Variants in MYH10 observed in about 807,000 individuals in gnomAD.
The protein encoded by MYH10 is myosin heavy chain 10, also known as myosin-10.
A neutral mutation model predicts 257.8 loss-of-function variants in MYH10; 55 were observed. The observed-to-expected ratio is 0.21, with a 90% CI of 0.17 to 0.27. The LOEUF is 0.27. Ranked by LOEUF, MYH10 falls within the 10% of genes least tolerant of loss-of-function variation. MYH10 has a pLI of 1.00. For synonymous variants in MYH10, 854 were observed against 921.7 expected, an observed-to-expected ratio of 0.93 and a Z score of 1.33; for missense variants, 1,631 against 2,500.6, an observed-to-expected ratio of 0.65 and a Z score of 7.42.
At position 8,506,522 on chromosome 17, in the gene MYH10, C is replaced by T. The variant is rs781589217; in HGVS notation, c.3215-33G>A. The stretch of plus-strand genomic sequence containing the variant: ...GTAAGACATAAGAAGCTCTTCAACA[C>T]ACCGAGTGACTCACCACAGGAATAA... On this transcript the variant is annotated intron_variant, in intron 26 of 42. Coordinates refer to ENST00000360416, the MANE Select transcript of MYH10 (RefSeq NM_001256012.3). This position sits in a 1 kb window ranked among gnomAD's most constrained non-coding sequence, Gnocchi z 5.0. 2.5e-6 allele frequency: 4 copies of T among 1,589,352 alleles called. No individual in the cohort carries two copies. The highest frequency in any genetic ancestry group is 3.4e-6 in the Non-Finnish European group (4 of 1,171,472).
chr17:8,570,917 A>C (rs930862183), intron 6 of MYH10, among the ~76,000 whole-genome samples: 1 of 152,178 alleles, frequency 6.6e-6, no homozygotes, highest in Non-Finnish European at 1.5e-5. Flanking sequence ...CACATTACAC[A>C]GGAAGGGGAC....
chr17:8,597,882 T>G (rs1231674574), intron 3 of MYH10, among the ~76,000 whole-genome samples: 2 of 152,114 alleles, frequency 1.3e-5, no homozygotes, highest in African/African-American at 4.8e-5. Flanking sequence ...CCTCCCAAAG[T>G]GCTGAGATTA....
chr17:8,535,338 T>C lies in MYH10; in HGVS notation c.1894+49A>G. The C allele has an allele frequency of 7.1e-7, 1 of 1,400,480 alleles. No homozygotes were observed. Among genetic ancestry groups the C allele is most frequent in the Non-Finnish European group, 1.0e-6 (1 of 996,736 alleles). 86.8% of individuals were successfully genotyped at this position (1,400,480 alleles called of 1,614,324 possible). ...AAAAGAACCATCTATAAACCTTAATTATAAAAGATTCCAGCCAAGCATGAT... is the reference window on the plus strand; with the variant it reads ...AAAAGAACCATCTATAAACCTTAATCATAAAAGATTCCAGCCAAGCATGAT... On this transcript the variant is annotated intron_variant, in intron 16 of 42. Transcript: ENST00000360416. The surrounding 1 kb of genome is among the most constrained non-coding windows in gnomAD (Gnocchi z 4.3).
intron 9 of MYH10, among the ~76,000 whole-genome samples, chr17:8,550,602 G>C (rs1349217364): frequency 1.3e-5 from 2 of 152,080 alleles, no homozygotes; most frequent in Non-Finnish European, 2.9e-5. Flanking sequence ...GGGAAGTGAG[G>C]AGCCCCTCTG....
At position 8,506,531 on chromosome 17, in the gene MYH10, A is replaced by C; in HGVS notation, c.3215-42T>G. The C allele has an allele frequency of 6.3e-7, 1 of 1,580,768 alleles. No homozygotes were observed. Among genetic ancestry groups the C allele is most frequent in the Non-Finnish European group, 8.6e-7 (1 of 1,167,206 alleles). On this transcript the variant is annotated intron_variant, in intron 26 of 42. Coordinates refer to ENST00000360416, the MANE Select transcript of MYH10 (RefSeq NM_001256012.3). This position sits in a 1 kb window ranked among gnomAD's most constrained non-coding sequence, Gnocchi z 5.0. ...AAGAAGCTCTTCAACACACCGAGTG[A>C]CTCACCACAGGAATAAACTAAAATA...
chr17:8,537,954 G>A (rs2082188080), intron 14 of MYH10, among the ~76,000 whole-genome samples: 2 of 152,200 alleles, frequency 1.3e-5, no homozygotes, highest in African/African-American at 4.8e-5. Context: ...AGGCTTGCCT[G>A]CCACCAGCCC....
intron 30 of MYH10, 137 bp from the exon 31 acceptor site, chr17:8,495,378 C>G (rs2151828200): frequency 3.2e-6 from 2 of 623,454 alleles, no homozygotes; most frequent in East Asian, 5.5e-5. Context: ...TTAAGGAAGA[C>G]TCACCACCAA....
intron 3 of MYH10, among the ~76,000 whole-genome samples, chr17:8,591,244 T>G (rs115512852): frequency 6.6e-6 from 1 of 152,246 alleles, no homozygotes; most frequent in South Asian, 2.1e-4. Flanking sequence ...CTAGAATGCA[T>G]TGCTTGAGAT....
intron 28 of MYH10, among the ~76,000 whole-genome samples, chr17:8,502,465 C>A (rs2080924783): frequency 8.6e-6 from 1 of 116,050 alleles, no homozygotes; most frequent in African/African-American, 3.0e-5. Flanking sequence ...AGCACGTTGT[C>A]TTTTGGGAAA....
chr17:8,599,976 G>A (rs1296472562), intron 3 of MYH10, among the ~76,000 whole-genome samples: 1 of 152,162 alleles, frequency 6.6e-6, no homozygotes, highest in African/African-American at 2.4e-5. Flanking sequence ...GGGCAAGGAG[G>A]GACCCAGAGA....
chr17:8,504,979 G>T lies in MYH10; in HGVS notation c.3387-73C>A. The T allele has an allele frequency of 7.8e-7, 1 of 1,289,072 alleles. No individual in the cohort carries two copies. 79.9% of individuals were successfully genotyped at this position (1,289,072 alleles called of 1,614,324 possible). On this transcript the variant is annotated intron_variant, in intron 27 of 42. Transcript: ENST00000360416. The surrounding 1 kb of genome is among the most constrained non-coding windows in gnomAD (Gnocchi z 5.6). The stretch of plus-strand genomic sequence containing the variant: ...TGGCCTGTTTCTCAGGCGAGCCCCA[G>T]CCCCTGAGCACCTCTCCACGAGACC...
intron 3 of MYH10, among the ~76,000 whole-genome samples, chr17:8,604,405 C>G (rs916578133): frequency 6.6e-5 from 10 of 152,266 alleles, no homozygotes; most frequent in Middle Eastern, 3.4e-3. Flanking sequence ...TGCTTTTTAA[C>G]TTTTATTGTC....
rs185230215 is a variant in MYH10 at position 8,506,431 on chromosome 17, G to C, written c.3273C>G (p.Leu1091=). 2.5e-6 allele frequency: 4 copies of C among 1,612,742 alleles called. No individual in the cohort carries two copies. Among genetic ancestry groups the C allele is most frequent in the Admixed American group, 3.4e-5 (2 of 59,608 alleles). Residue 1091 remains leucine (L), a synonymous_variant, in exon 27 of 43, where the codon CTC becomes CTG. Transcript: ENST00000360416. The surrounding 1 kb of genome is among the most constrained non-coding windows in gnomAD (Gnocchi z 5.0). ...CCTGCAGGTCGGTCGTCTCCCCGTC[G>C]AGTTTTCTTTTGGCCTTTTCCAGTT... is the stretch of plus-strand genomic sequence containing the variant. ...RQELEKAKRK[L]DGETTDLQDQ...
In MYH10 at chr17:8,480,242, T is replaced by C. The variant is rs775041023; in HGVS notation, c.5465A>G (p.Glu1822Gly). ...QKSDNARQQL[E>G]RQNKELKAKL... ...GGCCTTCAGCTCCTTGTTCTGCCGC[T>C]CCAGTTGCTGGCGTGCATTGTCACT... Residue 1822 changes from glutamate to glycine, a missense_variant, in exon 40 of 43, where the codon GAG becomes GGG. Transcript: ENST00000360416. 5 of 1,613,964 alleles carry C rather than the reference T, an allele frequency of 3.1e-6. No individual in the cohort carries two copies. Among genetic ancestry groups the C allele is most frequent in the Non-Finnish European group, 8.5e-7 (1 of 1,180,028 alleles).
In MYH10 at chr17:8,477,598, C is replaced by T. The variant is rs1381930484; in HGVS notation, c.5707-550G>A. Among the ~76,000 whole-genome samples, 4 of 152,152 alleles carry T rather than the reference C, an allele frequency of 2.6e-5. No homozygotes were observed. The highest frequency in any genetic ancestry group is 5.9e-5 in the Non-Finnish European group (4 of 68,032). ...ACTGGTCAGTGCTTCGTGGGTCCAG[C>T]GCACACCACCCTCAACTGTGCTCCG... On this transcript the variant is annotated intron_variant, in intron 41 of 42. Transcript: ENST00000360416. This position sits in a 1 kb window ranked among gnomAD's most constrained non-coding sequence, Gnocchi z 4.2.
chr17:8,500,954 C>T lies in MYH10; in HGVS notation c.3616G>A (p.Glu1206Lys). ...QQELRTKREQ[E>K]VAELKKALEE... ...AGAGCTTTCTTCAGCTCTGCCACTT[C>T]TTGTTCACGTTTTGTACTAGAGAAG... The change falls in exon 29 of 43, where the codon GAA becomes AAA. Residue 1206 changes from glutamate (E) to lysine (K), a missense_variant. Transcript: ENST00000360416. 1 of 1,613,954 alleles carries T rather than the reference C, an allele frequency of 6.2e-7. No individual in the cohort carries two copies. The highest frequency in any genetic ancestry group is 8.5e-7 in the Non-Finnish European group (1 of 1,179,990).
At chr17:8,546,696 T>C in intron 11 of MYH10, 34 bp from the exon 12 acceptor site, 16 of 1,516,486 alleles carry the variant, frequency 1.1e-5, no homozygotes, top group Non-Finnish European at 1.5e-5. Context: ...ATCCTACATT[T>C]TTTACTTACA....
chr17:8,606,648 C>T (rs370590106), intron 2 of MYH10, among the ~76,000 whole-genome samples: 1 of 152,220 alleles, frequency 6.6e-6, no homozygotes, highest in Non-Finnish European at 1.5e-5. Flanking sequence ...TCAGAACTGT[C>T]TCTCTGGCTG....
intron 29 of MYH10, 128 bp downstream of exon 29, chr17:8,500,698 C>T: frequency 8.7e-7 from 1 of 1,145,368 alleles, no homozygotes; most frequent in Non-Finnish European, 1.2e-6. Context: ...TACCCAGCAG[C>T]CCACTCAGTG....
Sources: gnomAD v4.1 joint callset for allele counts (sites outside exome capture counted in the v4.1 genomes callset) on GRCh38, gnomAD v4.1.1 for gene constraint, Gnocchi (gnomAD v3.1) non-coding constraint, MANE v1.5 for transcripts, NCBI Gene and HGNC (gene_info 2026-07-23, HGNC 2026-07-21) for gene names.